MEF2A: variants seen among roughly 807,000 people sequenced by gnomAD.
The protein encoded by MEF2A is myocyte-specific enhancer factor 2A.
A neutral mutation model predicts 55.8 loss-of-function variants in MEF2A; 28 were observed. That is an observed-to-expected ratio of 0.50 (90% CI 0.37 to 0.69). The LOEUF (loss-of-function observed/expected upper bound fraction) is 0.69, where lower values mean the gene tolerates loss of function less well. MEF2A is among the 30% of genes least tolerant of loss of function. The pLI is 0.00. For missense variants in MEF2A, 528 were observed against 626.2 expected, an observed-to-expected ratio of 0.84 and a Z score of 1.67; for synonymous variants, 239 against 227.1, an observed-to-expected ratio of 1.05 and a Z score of -0.47.
At position 99,598,442 on chromosome 15, in the gene MEF2A, G is replaced by C. The variant is rs1234218234; in HGVS notation, c.-212G>C. 6.6e-6 allele frequency: 1 copy of C among 152,026 alleles called. No individual in the cohort carries two copies. The highest frequency in any genetic ancestry group is 1.5e-5 in the Non-Finnish European group (1 of 67,988). The allele number at this position is 152,026 out of a possible 1,614,324, so 9.4% of individuals were successfully genotyped here. A position where few individuals can be genotyped will look rare whatever the true frequency, so the allele number is the denominator to read the frequency against. On this transcript the variant is annotated 5_prime_UTR_variant, in exon 2 of 12. Coordinates refer to ENST00000557942, the MANE Select transcript of MEF2A (RefSeq NM_001319206.4). ...TTTCTTTTTTAAGGAATTGCATTTT[G>C]TGAAAAAAGAACAAGAATTTTCTGC... is the stretch of plus-strand genomic sequence containing the variant.
Position 99,715,929 on chromosome 15 carries a change from G to A in MEF2A, c.*3158G>A, listed in dbSNP as rs1488703627. 6.6e-6 allele frequency: 1 copy of A among 152,664 alleles called. No individual in the cohort carries two copies. Among genetic ancestry groups the A allele is most frequent in the African/African-American group, 2.4e-5 (1 of 41,412 alleles). The allele number at this position is 152,664 out of a possible 1,614,324, so 9.5% of individuals were successfully genotyped here. A position where few individuals can be genotyped will look rare whatever the true frequency, so the allele number is the denominator to read the frequency against. ...ACTAAATCAGGGGTTTGTTCTACAAGAACAATACATGTTTTACCCTTTCCT... is the reference window on the plus strand; with the variant it reads ...ACTAAATCAGGGGTTTGTTCTACAAAAACAATACATGTTTTACCCTTTCCT... On this transcript the variant is annotated 3_prime_UTR_variant, in exon 12 of 12. Coordinates refer to ENST00000557942, the MANE Select transcript of MEF2A (RefSeq NM_001319206.4).
At chr15:99,635,262 G>A (rs2043589182) in intron 3 of MEF2A, among the ~76,000 whole-genome samples, 2 of 152,170 alleles carry the variant, frequency 1.3e-5, no homozygotes, top group African/African-American at 4.8e-5. Context: ...GCAAATAAGA[G>A]TTTTGAATTA....
At chr15:99,711,733 A>C (rs984575172) in intron 11 of MEF2A, among the ~76,000 whole-genome samples, 14 of 152,206 alleles carry the variant, frequency 9.2e-5, no homozygotes, top group Non-Finnish European at 1.5e-5. Flanking sequence ...CTTCTTAGGA[A>C]TTATGTCATG....
chr15:99,689,892 C>T (rs184721876), intron 7 of MEF2A, among the ~76,000 whole-genome samples: 1 of 152,274 alleles, frequency 6.6e-6, no homozygotes, highest in Non-Finnish European at 1.5e-5. Context: ...TCTTCCTTTG[C>T]TTATTTTTAA....
At chr15:99,699,329 G>A (rs548232400) in intron 8 of MEF2A, among the ~76,000 whole-genome samples, 118 of 152,324 alleles carry the variant, frequency 7.7e-4, no homozygotes, top group Non-Finnish European at 1.5e-3. Context: ...AAGCAGTAGT[G>A]TATGATTCCA....
intron 3 of MEF2A, among the ~76,000 whole-genome samples, chr15:99,633,972 T>C (rs576377447): frequency 6.6e-6 from 1 of 152,216 alleles, no homozygotes; most frequent in Non-Finnish European, 1.5e-5. Context: ...GTTTACTCTC[T>C]GACACTTTTA....
At position 99,712,868 on chromosome 15, in the gene MEF2A, T is replaced by C. The variant is rs1597358000; in HGVS notation, c.*97T>C. 1 of 1,253,994 alleles carries C rather than the reference T, an allele frequency of 8.0e-7. No homozygotes were observed. The highest frequency in any genetic ancestry group is 2.5e-5 in the East Asian group (1 of 39,358). The allele number at this position is 1,253,994 out of a possible 1,614,324, so 77.7% of individuals were successfully genotyped here. On this transcript the variant is annotated 3_prime_UTR_variant, in exon 12 of 12. Transcript: ENST00000557942. The surrounding 1 kb of genome is among the most constrained non-coding windows in gnomAD (Gnocchi z 4.1). Reference sequence around the variant, plus strand: ...AGGACATGAGTTAAATATATTTATATGTACATACATATATATATCCCTTTA... The same window carrying C: ...AGGACATGAGTTAAATATATTTATACGTACATACATATATATATCCCTTTA...
intron 2 of MEF2A, among the ~76,000 whole-genome samples, chr15:99,628,912 CTGTT>C (rs1373130948): frequency 6.7e-6 from 1 of 150,192 alleles, no homozygotes; most frequent in East Asian, 1.9e-4. Context: ...ATAACAGACT[CTGTT>C]TGTTTGCCTT....
chr15:99,566,958 T>A (rs540314408), intron 1 of MEF2A, among the ~76,000 whole-genome samples: 1 of 152,358 alleles, frequency 6.6e-6, no homozygotes, highest in Admixed American at 6.5e-5. Flanking sequence ...AAACTTTGCT[T>A]TTTGGCTCGA....
intron 8 of MEF2A, among the ~76,000 whole-genome samples, chr15:99,699,423 T>C (rs1024953071): frequency 6.6e-6 from 1 of 152,136 alleles, no homozygotes. Context: ...AAAGGGTTAA[T>C]AGGGAATTTT....
chr15:99,662,236 A>G (rs2048775666), intron 4 of MEF2A, among the ~76,000 whole-genome samples: 1 of 152,176 alleles, frequency 6.6e-6, no homozygotes, highest in Non-Finnish European at 1.5e-5. Context: ...CTTGATTGAA[A>G]TGACTGATGT....
At chr15:99,600,771 T>C (rs1972711403) in intron 2 of MEF2A, among the ~76,000 whole-genome samples, 1 of 152,220 alleles carries the variant, frequency 6.6e-6, no homozygotes, top group Admixed American at 6.5e-5. Flanking sequence ...CTTATGACAG[T>C]GCTTCACTGT....
At chr15:99,577,659 A>T (rs891098248) in intron 1 of MEF2A, among the ~76,000 whole-genome samples, 3 of 151,074 alleles carry the variant, frequency 2.0e-5, no homozygotes, top group African/African-American at 7.4e-5. Flanking sequence ...GAATTTAATC[A>T]GTTTTTCTTC....
intron 1 of MEF2A, among the ~76,000 whole-genome samples, chr15:99,574,681 A>C (rs184277250): frequency 7.2e-4 from 110 of 152,312 alleles, no homozygotes; most frequent in Middle Eastern, 3.4e-3. Flanking sequence ...GTGGTAATGC[A>C]AGCGACGGGG....
chr15:99,692,824 G>A (rs1308603911), intron 8 of MEF2A, among the ~76,000 whole-genome samples: 1 of 152,096 alleles, frequency 6.6e-6, no homozygotes, highest in Non-Finnish European at 1.5e-5. Flanking sequence ...CTGAGAAGAC[G>A]AACAACAAAC....
At chr15:99,706,973 A>G in intron 10 of MEF2A, 118 bp downstream of exon 10, 1 of 1,257,796 alleles carries the variant, frequency 8.0e-7, no homozygotes, top group Non-Finnish European at 1.1e-6. Flanking sequence ...AGTTTTTTAG[A>G]TTTAAATTAG....
intron 3 of MEF2A, among the ~76,000 whole-genome samples, chr15:99,638,848 GCCTTCAGA>G (rs998077229): frequency 5.3e-5 from 8 of 152,006 alleles, no homozygotes; most frequent in Non-Finnish European, 1.2e-4. Flanking sequence ...TTTTTAATGA[GCCTTCAGA>G]CCTTGTATGT....
At chr15:99,567,626 A>AATGTGTGTGTGT (rs1567124507) in intron 1 of MEF2A, among the ~76,000 whole-genome samples, 2,079 of 122,050 alleles carry the variant, frequency 0.017, 45 homozygotes, top group African/African-American at 0.062. Context: ...TTTTGTATGT[A>AATGTGTGTGTGT]CTGTGTGTGT....
intron 4 of MEF2A, among the ~76,000 whole-genome samples, chr15:99,664,168 T>G (rs566663355): frequency 1.3e-5 from 2 of 152,346 alleles, no homozygotes; most frequent in South Asian, 2.1e-4. Context: ...AATATGTGAC[T>G]TGGGTAAAGA....
Sources: allele counts gnomAD v4.1 joint callset (sites outside exome capture counted in the v4.1 genomes callset), GRCh38; gene constraint gnomAD v4.1.1; non-coding constraint Gnocchi (gnomAD v3.1); transcripts MANE v1.5; gene names NCBI Gene and HGNC (gene_info 2026-07-23, HGNC 2026-07-21).